TNRC6B: variants seen among roughly 807,000 people sequenced by gnomAD.
TNRC6B encodes the protein trinucleotide repeat-containing gene 6B protein.
In TNRC6B, 52 loss-of-function variants were observed where a neutral mutation model predicts 203.6. The observed-to-expected ratio is 0.26, with a 90% CI of 0.20 to 0.32. TNRC6B has a LOEUF of 0.32. TNRC6B is among the 10% of genes least tolerant of loss of function. TNRC6B has a pLI of 1.00. For synonymous variants in TNRC6B, 838 were observed against 845.7 expected (o/e 0.99, Z 0.16); for missense variants, 1,923 against 2,286.2 (o/e 0.84, Z 3.24).
chr22:40,155,862 G>A (rs2068814847), intron 3 of TNRC6B, among the ~76,000 whole-genome samples: 1 of 152,164 alleles, frequency 6.6e-6, no homozygotes, highest in East Asian at 1.9e-4. Context: ...TTGTCTCATT[G>A]ATTCATCACC....
intron 1 of TNRC6B, among the ~76,000 whole-genome samples, chr22:40,181,308 G>C (rs761772623): frequency 6.6e-6 from 1 of 152,126 alleles, no homozygotes; most frequent in Non-Finnish European, 1.5e-5. Context: ...AGCAGCTCTG[G>C]CTATTGAGGA....
chr22:40,121,937 G>A (rs1363110998), intron 2 of TNRC6B, among the ~76,000 whole-genome samples: 2 of 152,098 alleles, frequency 1.3e-5, no homozygotes, highest in African/African-American at 4.8e-5. Flanking sequence ...AAAAACAACA[G>A]TAAAAAGCCT....
At chr22:40,142,890 C>G (rs1185845888) in intron 3 of TNRC6B, among the ~76,000 whole-genome samples, 2 of 152,124 alleles carry the variant, frequency 1.3e-5, no homozygotes, top group African/African-American at 2.4e-5. Context: ...AATGTATGAA[C>G]CATGACCTCT....
chr22:40,270,089 A>G (rs766614844), intron 5 of TNRC6B, 33 bp from the exon 6 acceptor site: 1 of 1,562,216 alleles, frequency 6.4e-7, no homozygotes, highest in East Asian at 2.4e-5. Flanking sequence ...TCATTTAACA[A>G]ATGATTCTTA....
intron 1 of TNRC6B, among the ~76,000 whole-genome samples, chr22:40,194,341 C>G (rs972176915): frequency 3.9e-5 from 6 of 151,992 alleles, no homozygotes; most frequent in African/African-American, 1.5e-4. Flanking sequence ...ACTGTGTTGC[C>G]CGAGGCTACA....
chr22:40,182,790 C>T (rs1193778105), intron 1 of TNRC6B, among the ~76,000 whole-genome samples: 1 of 152,184 alleles, frequency 6.6e-6, no homozygotes, highest in Non-Finnish European at 1.5e-5. Context: ...TTGGAGACTT[C>T]ATTGAAGGTT....
chr22:40,125,718 A>C, intron 2 of TNRC6B: 3 of 1,416,688 alleles, frequency 2.1e-6, no homozygotes, highest in Non-Finnish European at 1.9e-6. Flanking sequence ...CTTTGAAAAA[A>C]AAATTTTTTT....
intron 1 of TNRC6B, among the ~76,000 whole-genome samples, chr22:40,196,067 G>A (rs879265641): frequency 1.1e-4 from 13 of 122,956 alleles, no homozygotes; most frequent in South Asian, 2.9e-4. Context: ...GTGAGCCACC[G>A]CGTCCAGCCT....
chr22:40,256,388 T>C, intron 3 of TNRC6B, among the ~76,000 whole-genome samples: 1 of 152,220 alleles, frequency 6.6e-6, no homozygotes, highest in East Asian at 1.9e-4. Context: ...TATGGCCAAA[T>C]TCATTTGCCA....
intron 1 of TNRC6B, among the ~76,000 whole-genome samples, chr22:40,214,971 T>C (rs1192758409): frequency 6.6e-6 from 1 of 151,668 alleles, no homozygotes; most frequent in Non-Finnish European, 1.5e-5. Flanking sequence ...CAATATTTTT[T>C]ACTTACCCAG....
chr22:40,134,177 C>G (rs2068578343), intron 3 of TNRC6B, among the ~76,000 whole-genome samples: 1 of 152,120 alleles, frequency 6.6e-6, no homozygotes, highest in African/African-American at 2.4e-5. Flanking sequence ...ACTTTCCACT[C>G]TTAAAGTGTG....
At position 40,251,128 on chromosome 22, in the gene TNRC6B, G is replaced by T. The variant is rs768928653; in HGVS notation, c.94-51G>T. On this transcript the variant is annotated intron_variant, in intron 2 of 22. Coordinates refer to ENST00000454349, the MANE Select transcript of TNRC6B (RefSeq NM_001162501.2). ...CAGACTAAAGTAGTCTGAAAATACAGTACTGAATTAAAAAGCAAATCTCAT... is the reference window on the plus strand; with the variant it reads ...CAGACTAAAGTAGTCTGAAAATACATTACTGAATTAAAAAGCAAATCTCAT... 17 of 1,469,992 alleles carry T rather than the reference G, an allele frequency of 1.2e-5. No homozygotes were observed. In the East Asian group the frequency reaches 3.7e-4, roughly 32 times the overall value. 91.1% of individuals were successfully genotyped at this position (1,469,992 alleles called of 1,614,324 possible).
chr22:40,058,574 T>C (rs950247058), intron 1 of TNRC6B, among the ~76,000 whole-genome samples: 2 of 152,230 alleles, frequency 1.3e-5, no homozygotes, highest in Non-Finnish European at 1.5e-5. Flanking sequence ...GTGTATTTCA[T>C]GTCATTTTCT....
At chr22:40,182,238 C>T (rs1260869658) in intron 1 of TNRC6B, among the ~76,000 whole-genome samples, 1 of 151,372 alleles carries the variant, frequency 6.6e-6, no homozygotes, top group Non-Finnish European at 1.5e-5. Flanking sequence ...CAGGGAGACT[C>T]CGTCTCAAAA....
intron 1 of TNRC6B, among the ~76,000 whole-genome samples, chr22:40,062,712 T>C (rs898512887): frequency 3.3e-5 from 5 of 152,216 alleles, no homozygotes; most frequent in African/African-American, 7.2e-5. Flanking sequence ...TGAACGCTAA[T>C]GATTTTGAGC....
intron 12 of TNRC6B, among the ~76,000 whole-genome samples, chr22:40,297,748 G>A (rs2070963516): frequency 6.6e-6 from 1 of 152,010 alleles, no homozygotes; most frequent in Non-Finnish European, 1.5e-5. Context: ...CTTGAACCCA[G>A]GAGGTGGAGC....
chr22:40,162,446 T>C (rs1480407469), intron 4 of TNRC6B, among the ~76,000 whole-genome samples: 1 of 152,220 alleles, frequency 6.6e-6, no homozygotes, highest in Non-Finnish European at 1.5e-5. Context: ...GCACTAAACT[T>C]TCTGGGAACC....
At chr22:40,210,964 A>G (rs938115903) in intron 1 of TNRC6B, among the ~76,000 whole-genome samples, 13 of 152,226 alleles carry the variant, frequency 8.5e-5, no homozygotes, top group Admixed American at 1.3e-4. Context: ...AAATGTCTCT[A>G]TATATTGTCA....
intron 3 of TNRC6B, among the ~76,000 whole-genome samples, chr22:40,142,370 T>C (rs950050765): frequency 6.6e-6 from 1 of 152,044 alleles, no homozygotes; most frequent in African/African-American, 2.4e-5. Flanking sequence ...CCACCAGATT[T>C]TAACTCTTGA....
Sources: allele counts gnomAD v4.1 joint callset (sites outside exome capture counted in the v4.1 genomes callset), GRCh38; gene constraint gnomAD v4.1.1; transcripts MANE v1.5; gene names NCBI Gene and HGNC (gene_info 2026-07-23, HGNC 2026-07-21).